The following SNCAIP variants were observed in gnomAD, a reference collection of about 807,000 sequenced individuals.
SNCAIP encodes the protein synuclein alpha interacting protein.
In SNCAIP, 43 loss-of-function variants were observed where a neutral mutation model predicts 86.7. The ratio of observed to expected loss-of-function variants is 0.50; its 90% confidence interval spans 0.39 to 0.64. The LOEUF is 0.64. SNCAIP is among the 30% of genes least tolerant of loss of function. The pLI, the probability that SNCAIP is intolerant of heterozygous loss-of-function variation, is 0.00. For synonymous variants in SNCAIP, 417 were observed against 427.2 expected, an observed-to-expected ratio of 0.98 and a Z score of 0.29; for missense variants, 981 against 1,103.1, an observed-to-expected ratio of 0.89 and a Z score of 1.57.
At position 122,450,900 on chromosome 5, in the gene SNCAIP, T is replaced by C; in HGVS notation, c.2053T>C (p.Ser685Pro). The C allele has an allele frequency of 3.1e-6, 5 of 1,613,942 alleles. No individual in the cohort carries two copies. The highest frequency in any genetic ancestry group is 4.2e-6 in the Non-Finnish European group (5 of 1,179,966). The change falls in exon 10 of 11, where the codon TCT becomes CCT. Residue 685 changes from serine to proline, a missense_variant. Ser to Pro is a moderately conservative substitution (Grantham distance 74). Coordinates refer to ENST00000261368, the MANE Select transcript of SNCAIP (RefSeq NM_005460.4). ...TGAGTCTGACACAGACTCCAACAAC[T>C]CTGAGGACCCCAAGACTACCCCAGT... is the stretch of plus-strand genomic sequence containing the variant. ...LSESDTDSNN[S>P]EDPKTTPVRK...
chr5:122,427,284 GA>G (rs967795661), intron 5 of SNCAIP, among the ~76,000 whole-genome samples: 1 of 151,944 alleles, frequency 6.6e-6, no homozygotes, highest in East Asian at 1.9e-4. Context: ...CACCTTCTAT[GA>G]TATCCATATT....
chr5:122,463,681 A>AAC lies in SNCAIP; in HGVS notation c.*186_*187insCA. 1 of 607,884 alleles carries AAC rather than the reference A, an allele frequency of 1.6e-6. No homozygotes were observed. The highest frequency in any genetic ancestry group is 3.0e-5 in the Admixed American group (1 of 33,462). The allele number at this position is 607,884 out of a possible 1,614,324, so 37.7% of individuals were successfully genotyped here. Reference sequence around the variant, plus strand: ...CATGAAAACAATGCCTCACCAGCAGAAGAACAGAATATCAGGATGCCTTAA... The same window carrying AAC: ...CATGAAAACAATGCCTCACCAGCAGAACAGAACAGAATATCAGGATGCCTTAA... On this transcript the variant is annotated 3_prime_UTR_variant, in exon 11 of 11. Coordinates refer to ENST00000261368, the MANE Select transcript of SNCAIP (RefSeq NM_005460.4).
intron 2 of SNCAIP, among the ~76,000 whole-genome samples, chr5:122,395,249 A>G (rs559957091): frequency 2.0e-5 from 3 of 152,310 alleles, no homozygotes; most frequent in Admixed American, 6.5e-5. Context: ...ATTTATACAC[A>G]TACACTCACA....
chr5:122,404,932 G>A (rs1452586763), intron 3 of SNCAIP, among the ~76,000 whole-genome samples: 1 of 152,028 alleles, frequency 6.6e-6, no homozygotes, highest in Non-Finnish European at 1.5e-5. Flanking sequence ...CAATGTTTGG[G>A]TCAGAAACAT....
intron 10 of SNCAIP, 45 bp downstream of exon 10, chr5:122,451,646 T>A (rs1304908780): frequency 7.5e-7 from 1 of 1,326,986 alleles, no homozygotes; most frequent in Admixed American, 1.7e-5. Context: ...TTCAAATGGA[T>A]TATGTTGTTC....
rs763060297 is a variant in SNCAIP, at chr5:122,425,387, C to T, written c.1038C>T (p.His346=). ...CTGCAGACAATCTAGACAAAATTCA[C>T]GACGAAAATGGAAACAATCTATTAC... is the stretch of plus-strand genomic sequence containing the variant. The part of the protein sequence containing the change: ...HLAADNLDKI[H]DENGNNLLHI... Residue 346 remains histidine, a synonymous_variant, in exon 5 of 11, where the codon CAC becomes CAT. Transcript: ENST00000261368. The T allele has an allele frequency of 3.7e-6, 6 of 1,613,826 alleles. No homozygotes were observed. The highest frequency in any genetic ancestry group is 4.2e-6 in the Non-Finnish European group (5 of 1,179,766).
chr5:122,336,565 A>C (rs1383747702), intron 1 of SNCAIP, among the ~76,000 whole-genome samples: 2 of 152,144 alleles, frequency 1.3e-5, no homozygotes, highest in African/African-American at 4.8e-5. Flanking sequence ...GGCCCTTGTC[A>C]CAGCCTTGGC....
intron 1 of SNCAIP, among the ~76,000 whole-genome samples, chr5:122,335,482 A>C (rs1190642132): frequency 1.3e-5 from 2 of 152,196 alleles, no homozygotes; most frequent in South Asian, 2.1e-4. Flanking sequence ...CAGTTATGAC[A>C]GTAAAGGGAG....
chr5:122,388,602 A>T (rs1416447225), intron 1 of SNCAIP: 10 of 152,276 alleles, frequency 6.6e-5, no homozygotes, highest in Non-Finnish European at 1.3e-4. Flanking sequence ...GCTTGGTGGA[A>T]GGGCAGACGA....
intron 1 of SNCAIP, chr5:122,371,328 C>A (rs1469388740): frequency 4.7e-5 from 7 of 150,534 alleles, no homozygotes; most frequent in African/African-American, 1.5e-4. Context: ...AAAAAAATTA[C>A]TTCAGGTGGT....
At chr5:122,388,800 A>T (rs920667670) in intron 1 of SNCAIP, 4 of 152,238 alleles carry the variant, frequency 2.6e-5, no homozygotes, top group Non-Finnish European at 5.9e-5. Context: ...ACCAGACAAA[A>T]TAAATTGGAT....
chr5:122,363,274 G>A (rs1762540958), intron 1 of SNCAIP, among the ~76,000 whole-genome samples: 2 of 152,112 alleles, frequency 1.3e-5, no homozygotes, highest in Non-Finnish European at 1.5e-5. Flanking sequence ...GAGATTACAG[G>A]CATGAGCCAC....
At chr5:122,408,025 C>G (rs1028272352) in intron 3 of SNCAIP, among the ~76,000 whole-genome samples, 1 of 152,214 alleles carries the variant, frequency 6.6e-6, no homozygotes, top group Non-Finnish European at 1.5e-5. Flanking sequence ...AAGAGTGCCA[C>G]TAGGTGTGTG....
At chr5:122,351,960 G>A (rs549048038) in intron 1 of SNCAIP, among the ~76,000 whole-genome samples, 1 of 152,150 alleles carries the variant, frequency 6.6e-6, no homozygotes, top group African/African-American at 2.4e-5. Flanking sequence ...TAGGAGGCAG[G>A]CCACATCTGG....
At chr5:122,356,576 C>T (rs1326004544) in intron 1 of SNCAIP, among the ~76,000 whole-genome samples, 1 of 152,176 alleles carries the variant, frequency 6.6e-6, no homozygotes, top group African/African-American at 2.4e-5. Flanking sequence ...TTTATAAGAG[C>T]TTTCCTGGTT....
At chr5:122,357,177 T>C (rs1761191120) in intron 1 of SNCAIP, among the ~76,000 whole-genome samples, 1 of 152,190 alleles carries the variant, frequency 6.6e-6, no homozygotes, top group Non-Finnish European at 1.5e-5. Flanking sequence ...CATTTTTGCA[T>C]GACTTGCTTT....
intron 10 of SNCAIP, 76 bp downstream of exon 10, chr5:122,451,677 C>A: frequency 8.8e-7 from 1 of 1,135,482 alleles, no homozygotes; most frequent in Non-Finnish European, 1.3e-6. Context: ...AGATTGTGGG[C>A]CCACACTACC....
chr5:122,450,409 G>A (rs886071844), intron 9 of SNCAIP, 124 bp from the exon 10 acceptor site: 4 of 790,862 alleles, frequency 5.1e-6, no homozygotes, highest in African/African-American at 1.7e-5. Flanking sequence ...AAGAAATTAT[G>A]TACTTATCTG....
At chr5:122,353,333 G>A (rs1760264854) in intron 1 of SNCAIP, among the ~76,000 whole-genome samples, 1 of 151,670 alleles carries the variant, frequency 6.6e-6, no homozygotes, top group Non-Finnish European at 1.5e-5. Context: ...ACTGAAATGG[G>A]GCAGAAGGGA....
Sources: allele counts gnomAD v4.1 joint callset (sites outside exome capture counted in the v4.1 genomes callset), GRCh38; gene constraint gnomAD v4.1.1; transcripts MANE v1.5; gene names NCBI Gene and HGNC (gene_info 2026-07-23, HGNC 2026-07-21).